The following PAK3 variants were observed in gnomAD, a reference collection of about 807,000 sequenced individuals.
PAK3 encodes serine/threonine-protein kinase PAK 3.
PAK3 carries 4 observed loss-of-function variants against 41.0 expected under a neutral mutation model. The ratio of observed to expected loss-of-function variants is 0.10; its 90% CI spans 0.05 to 0.22. PAK3 has a LOEUF of 0.22. PAK3 is among the 10% of genes least tolerant of loss of function. The pLI, the probability that PAK3 is intolerant of heterozygous loss-of-function variation, is 1.00. For synonymous variants in PAK3, 146 were observed against 139.6 expected (o/e 1.05, Z -0.32); for missense variants, 205 against 409.9 (o/e 0.50, Z 4.32).
chrX:111,154,557 A>T (rs1043217053), intron 8 of PAK3, among the ~76,000 whole-genome samples: 1 of 111,606 alleles, frequency 9.0e-6, no homozygotes, highest in Non-Finnish European at 1.9e-5. Flanking sequence ...ATTAAATGTA[A>T]ACTACTATTA....
intron 1 of PAK3, among the ~76,000 whole-genome samples, chrX:111,057,885 A>G (rs1333466234): frequency 8.9e-6 from 1 of 112,000 alleles, no homozygotes; most frequent in East Asian, 2.8e-4. Context: ...TTCTGCCTTT[A>G]TAGATTTGCC....
intron 1 of PAK3, among the ~76,000 whole-genome samples, chrX:111,024,684 C>G (rs2092244003): frequency 9.0e-6 from 1 of 110,822 alleles, no homozygotes; most frequent in Non-Finnish European, 1.9e-5. Context: ...AGATAGACAG[C>G]AACAAAATAA....
At chrX:111,094,789 A>G (rs1029819168), upstream of PAK3, among the ~76,000 whole-genome samples, 1 of 106,219 alleles carries the variant, frequency 9.4e-6, no homozygotes, top group Non-Finnish European at 1.9e-5. Context: ...CCTGGGTTCA[A>G]GTGATTCTCC....
chrX:111,006,552 C>T lies in PAK3; in HGVS notation c.-28+61924C>T, dbSNP rs1433267464. Among the ~76,000 whole-genome samples, 3 of 111,397 alleles carry T rather than the reference C, an allele frequency of 2.7e-5. No homozygotes were observed. In the Admixed American group the frequency reaches 2.8e-4, roughly 11 times the overall value. Reference sequence around the variant, plus strand: ...GTTGGTTTAAAATTATTTTGAAATACAAAATTCTTTTTAAAAAATAAAAAA... The same window carrying T: ...GTTGGTTTAAAATTATTTTGAAATATAAAATTCTTTTTAAAAAATAAAAAA... On this transcript the variant is annotated intron_variant, in intron 1 of 14. Transcript: ENST00000425146.
Position 111,200,839 on chromosome X carries a change from T to C in PAK3, c.1407+4199T>C, listed in dbSNP as rs755841653. ...AAACAACTAGTCTCAGTAATGGATT[T>C]ATTACCTTCTTCAATTCCCCAATTA... is the stretch of plus-strand genomic sequence containing the variant. On this transcript the variant is annotated intron_variant, in intron 16 of 17. Transcript: ENST00000372007. Among the ~76,000 whole-genome samples the C allele has an allele frequency of 7.2e-4, 81 of 112,650 alleles. 3 individuals carry two copies. The highest frequency in any genetic ancestry group is 2.3e-3 in the African/African-American group (70 of 31,083).
intron 1 of PAK3, among the ~76,000 whole-genome samples, chrX:111,016,970 G>A (rs1291809076): frequency 9.0e-6 from 1 of 111,579 alleles, no homozygotes; most frequent in Non-Finnish European, 1.9e-5. Flanking sequence ...AACAAAGATA[G>A]TAGTCCCTGC....
chrX:111,055,765 G>A (rs1363790490), intron 1 of PAK3, among the ~76,000 whole-genome samples: 1 of 111,468 alleles, frequency 9.0e-6, no homozygotes, highest in Non-Finnish European at 1.9e-5. Context: ...CCCTAACTAG[G>A]CCAGGGAGCA....
At position 111,014,623 on chromosome X, in the gene PAK3, C is replaced by A. The variant is rs180788763; in HGVS notation, c.-28+69995C>A. Among the ~76,000 whole-genome samples, 4 of 111,406 alleles carry A rather than the reference C, an allele frequency of 3.6e-5. No individual in the cohort carries two copies. The East Asian group carries it at 8.6e-4, about 24-fold the overall frequency. ...GACTTCCAATTGTCCTTAAAGGAAC[C>A]CTTTGCTTCAGCCGTTCGTTCTGCT... is the stretch of plus-strand genomic sequence containing the variant. On this transcript the variant is annotated intron_variant, in intron 1 of 14. Coordinates refer to the PAK3 transcript ENST00000425146.
At chrX:111,072,444 T>G (rs1167830350) in intron 1 of PAK3, among the ~76,000 whole-genome samples, 1 of 112,614 alleles carries the variant, frequency 8.9e-6, no homozygotes, top group Non-Finnish European at 1.9e-5. Context: ...CCAGGCAAGT[T>G]TTAGCAACAA....
chrX:111,091,108 C>T (rs753455947), intron 1 of PAK3, among the ~76,000 whole-genome samples: 1 of 111,790 alleles, frequency 8.9e-6, no homozygotes, highest in Non-Finnish European at 1.9e-5. Flanking sequence ...TTCTAATTCT[C>T]ATATTAATTC....
At chrX:110,970,319 T>C (rs865880319) in intron 1 of PAK3, among the ~76,000 whole-genome samples, 3 of 112,035 alleles carry the variant, frequency 2.7e-5, no homozygotes, top group African/African-American at 9.7e-5. Flanking sequence ...TTTTGTCATA[T>C]GGATAGATTA....
intron 1 of PAK3, among the ~76,000 whole-genome samples, chrX:111,071,947 CA>C (rs1433797923): frequency 8.9e-6 from 1 of 112,160 alleles, no homozygotes; most frequent in Non-Finnish European, 1.9e-5. Flanking sequence ...AGGTAGCTAA[CA>C]AACAGATACA....
At chrX:111,205,125 TTTCCTTATTGCTTCA>T (rs2094731066) in intron 16 of PAK3, among the ~76,000 whole-genome samples, 1 of 109,494 alleles carries the variant, frequency 9.1e-6, no homozygotes, top group Non-Finnish European at 1.9e-5. Context: ...TGAGCCTACA[TTTCCTTATTGCTTCA>T]AAAGAGTGGA....
chrX:110,960,240 C>A (rs1393505338), intron 1 of PAK3, among the ~76,000 whole-genome samples: 2 of 112,051 alleles, frequency 1.8e-5, no homozygotes, highest in South Asian at 7.5e-4. Context: ...TCCCTGCCCT[C>A]CAGAAGCTCA....
At chrX:111,107,568 G>T (rs775613102) in intron 4 of PAK3, among the ~76,000 whole-genome samples, 4 of 111,924 alleles carry the variant, frequency 3.6e-5, no homozygotes, top group Non-Finnish European at 5.6e-5. Context: ...GAAAACACAA[G>T]AGCATCTTGC....
chrX:111,005,874 G>A (rs2091914397), intron 1 of PAK3, among the ~76,000 whole-genome samples: 1 of 111,594 alleles, frequency 9.0e-6, no homozygotes, highest in Admixed American at 9.5e-5. Flanking sequence ...TAGTGAGGTG[G>A]CATCAAAAAG....
chrX:111,050,840 C>T (rs2092550730), intron 1 of PAK3, among the ~76,000 whole-genome samples: 1 of 112,448 alleles, frequency 8.9e-6, no homozygotes, highest in East Asian at 2.8e-4. Flanking sequence ...CTAATGAGGG[C>T]AAGACAATGA....
intron 1 of PAK3, among the ~76,000 whole-genome samples, chrX:110,993,723 G>A (rs748111640): frequency 4.5e-4 from 50 of 111,829 alleles, no homozygotes; most frequent in Non-Finnish European, 8.5e-4. Flanking sequence ...TCTAAGATAG[G>A]ATGTTTTTGT....
intron 7 of PAK3, among the ~76,000 whole-genome samples, chrX:111,150,651 G>T (rs1008842428): frequency 9.0e-6 from 1 of 111,089 alleles, no homozygotes; most frequent in South Asian, 3.8e-4. Context: ...GGGAAAGACC[G>T]GCCACTATAA....
Sources: allele counts gnomAD v4.1 joint callset (sites outside exome capture counted in the v4.1 genomes callset), GRCh38; gene constraint gnomAD v4.1.1; transcripts MANE v1.5; gene names NCBI Gene and HGNC (gene_info 2026-07-23, HGNC 2026-07-21).